Variants in CYTH1 observed in about 807,000 individuals in gnomAD.
CYTH1 encodes cytohesin-1.
In CYTH1, 18 loss-of-function variants were observed where a neutral mutation model predicts 61.8. The ratio of observed to expected loss-of-function variants is 0.29; its 90% CI spans 0.20 to 0.43. CYTH1 has a LOEUF of 0.43. Among genes scored for constraint, CYTH1 ranks in the 20% least tolerant of loss-of-function variants. The pLI is 1.00. For missense variants in CYTH1, 336 were observed against 510.5 expected, an observed-to-expected ratio of 0.66 and a Z score of 3.29; for synonymous variants, 174 against 184.3, an observed-to-expected ratio of 0.94 and a Z score of 0.45.
intron 10 of CYTH1, among the ~76,000 whole-genome samples, chr17:78,693,864 T>C (rs1360423567): frequency 6.6e-6 from 1 of 152,176 alleles, no homozygotes; most frequent in Non-Finnish European, 1.5e-5. Flanking sequence ...ATGCATGGCA[T>C]TCTAGAAACA....
At chr17:78,778,103 G>T (rs949644833) in intron 1 of CYTH1, among the ~76,000 whole-genome samples, 1 of 151,940 alleles carries the variant, frequency 6.6e-6, no homozygotes, top group African/African-American at 2.4e-5. Context: ...AGGAGTTCAA[G>T]ACCAGCCTGG....
intron 1 of CYTH1, among the ~76,000 whole-genome samples, chr17:78,766,279 A>C (rs896592193): frequency 2.0e-5 from 3 of 152,168 alleles, no homozygotes; most frequent in Non-Finnish European, 4.4e-5. Context: ...CATAAAGGGC[A>C]AAAAGGCTAA....
chr17:78,719,323 A>C (rs945147873), intron 1 of CYTH1, among the ~76,000 whole-genome samples: 1 of 152,202 alleles, frequency 6.6e-6, no homozygotes, highest in Admixed American at 6.5e-5. Context: ...CTTGGGGAAC[A>C]TACAAATGAC....
chr17:78,768,472 C>A (rs76174180), intron 1 of CYTH1, among the ~76,000 whole-genome samples: 2 of 152,180 alleles, frequency 1.3e-5, no homozygotes, highest in African/African-American at 4.8e-5. Context: ...CGTCCAAAAC[C>A]GAAGTCCTAT....
chr17:78,764,836 A>C (rs895447062), intron 1 of CYTH1, among the ~76,000 whole-genome samples: 10 of 152,058 alleles, frequency 6.6e-5, no homozygotes, highest in African/African-American at 2.4e-4. Flanking sequence ...GAGTAACAAA[A>C]GGGATGAAGA....
intron 1 of CYTH1, among the ~76,000 whole-genome samples, chr17:78,757,212 T>C (rs1299738482): frequency 1.3e-5 from 2 of 152,088 alleles, no homozygotes; most frequent in African/African-American, 4.8e-5. Flanking sequence ...CCTCCCAAAG[T>C]GCTGGGATTA....
chr17:78,750,858 C>T (rs2093377454), intron 1 of CYTH1, among the ~76,000 whole-genome samples: 1 of 152,044 alleles, frequency 6.6e-6, no homozygotes, highest in Non-Finnish European at 1.5e-5. Flanking sequence ...AAGACTAAAC[C>T]GTTGCTCCTA....
At chr17:78,680,842 T>C in intron 12 of CYTH1, 129 bp downstream of exon 12, 1 of 911,664 alleles carries the variant, frequency 1.1e-6, no homozygotes, top group Non-Finnish European at 1.7e-6. Context: ...TTGAACAATA[T>C]AATAAAAAAT....
At chr17:78,762,103 C>T (rs908827431) in intron 1 of CYTH1, among the ~76,000 whole-genome samples, 7 of 152,124 alleles carry the variant, frequency 4.6e-5, no homozygotes, top group Admixed American at 1.3e-4. Context: ...CTTCTTTTTC[C>T]TATCAAGGTC....
chr17:78,684,317 C>G (rs1321507646), intron 11 of CYTH1, among the ~76,000 whole-genome samples: 1 of 152,202 alleles, frequency 6.6e-6, no homozygotes, highest in African/African-American at 2.4e-5. Flanking sequence ...ATGAGAACCA[C>G]TGATGGAAAC....
intron 1 of CYTH1, among the ~76,000 whole-genome samples, chr17:78,727,081 G>T (rs908583127): frequency 6.6e-6 from 1 of 152,206 alleles, no homozygotes; most frequent in Non-Finnish European, 1.5e-5. Context: ...TTCTAAAGCG[G>T]AAAATGAGGC....
At chr17:78,710,261 A>G (rs970202768) in intron 1 of CYTH1, among the ~76,000 whole-genome samples, 3 of 152,246 alleles carry the variant, frequency 2.0e-5, no homozygotes, top group African/African-American at 7.2e-5. Flanking sequence ...GAGAAATAAA[A>G]AAAGTCTAGA....
intron 1 of CYTH1, among the ~76,000 whole-genome samples, chr17:78,737,794 T>C (rs760707669): frequency 1.3e-5 from 2 of 152,230 alleles, no homozygotes; most frequent in South Asian, 2.1e-4. Context: ...CACCAAGAGA[T>C]AGCCATTGGT....
chr17:78,781,987 AC>A (rs1305319129), intron 1 of CYTH1, among the ~76,000 whole-genome samples: 1 of 142,892 alleles, frequency 7.0e-6, no homozygotes, highest in African/African-American at 2.6e-5. Context: ...GCCGCCAGCG[AC>A]CCCGGCCCCG....
intron 1 of CYTH1, among the ~76,000 whole-genome samples, chr17:78,715,969 C>G (rs904570781): frequency 2.0e-5 from 3 of 152,160 alleles, no homozygotes; most frequent in Non-Finnish European, 2.9e-5. Context: ...CCACAGCTTC[C>G]TCCTACAACA....
intron 1 of CYTH1, among the ~76,000 whole-genome samples, chr17:78,774,750 G>A (rs1022179326): frequency 4.6e-5 from 7 of 152,144 alleles, no homozygotes; most frequent in African/African-American, 1.7e-4. Context: ...CCATGGTACA[G>A]CATGACAGCT....
chr17:78,694,878 G>A (rs1003954765), intron 10 of CYTH1, among the ~76,000 whole-genome samples: 6 of 152,068 alleles, frequency 3.9e-5, no homozygotes, highest in South Asian at 2.1e-4. Flanking sequence ...GTGGGCCCAC[G>A]GGGAACATTT....
At chr17:78,697,022 C>G (rs2092946199) in intron 9 of CYTH1, among the ~76,000 whole-genome samples, 1 of 152,136 alleles carries the variant, frequency 6.6e-6, no homozygotes, top group South Asian at 2.1e-4. Flanking sequence ...ATATTTAAAA[C>G]TGATCGGTGA....
chr17:78,777,369 G>C (rs572422262), intron 1 of CYTH1, among the ~76,000 whole-genome samples: 12 of 152,214 alleles, frequency 7.9e-5, no homozygotes, highest in African/African-American at 2.9e-4. Context: ...AGTGAGCCGA[G>C]ATTGCGCCAC....
Sources: allele counts gnomAD v4.1 joint callset (sites outside exome capture counted in the v4.1 genomes callset), GRCh38; gene constraint gnomAD v4.1.1; transcripts MANE v1.5; gene names NCBI Gene and HGNC (gene_info 2026-07-23, HGNC 2026-07-21).